Variants in LYPLAL1 observed in about 807,000 individuals in gnomAD.
The protein encoded by LYPLAL1 is lysophospholipase like 1.
In LYPLAL1, 23 loss-of-function variants were observed where a neutral mutation model predicts 19.7. The observed-to-expected ratio is 1.17, with a 90% CI of 0.84 to 1.65. LYPLAL1 has a LOEUF of 1.65. Among genes scored for constraint, LYPLAL1 ranks in the 40% most tolerant of loss-of-function variants. The probability of loss-of-function intolerance (pLI) is 0.00; values close to 1 mark genes in which losing one functional copy is unlikely to be tolerated. For missense variants in LYPLAL1, 355 were observed against 279.4 expected (o/e 1.27, Z -1.93); for synonymous variants, 119 against 96.3 (o/e 1.24, Z -1.38).
chr1:219,278,166 T>C, the LYPLAL1 span, among the ~76,000 whole-genome samples: 5 of 152,196 alleles, frequency 3.3e-5, no homozygotes, highest in African/African-American at 1.2e-4. Flanking sequence ...CCAAGGATCT[T>C]AACAAAAGCA....
chr1:219,394,572 C>T, the LYPLAL1 span, among the ~76,000 whole-genome samples: 6 of 152,314 alleles, frequency 3.9e-5, no homozygotes, highest in African/African-American at 7.2e-5. Flanking sequence ...ATACATGTGA[C>T]ATCATACAAT....
the LYPLAL1 span, among the ~76,000 whole-genome samples, chr1:219,360,989 C>G: frequency 1.3e-5 from 2 of 152,164 alleles, no homozygotes; most frequent in Non-Finnish European, 2.9e-5. Flanking sequence ...GTTATGAAGA[C>G]TCTTTAACAC....
intron 2 of LYPLAL1, among the ~76,000 whole-genome samples, chr1:219,182,108 A>G (rs943343446): frequency 4.6e-5 from 7 of 152,178 alleles, no homozygotes; most frequent in Non-Finnish European, 7.3e-5. Context: ...GGTTGCAATT[A>G]CTTGTCCTAA....
At chr1:219,437,924 G>A in the LYPLAL1 span, among the ~76,000 whole-genome samples, 7 of 151,628 alleles carry the variant, frequency 4.6e-5, no homozygotes, top group Non-Finnish European at 8.8e-5. Flanking sequence ...CCACCACCAC[G>A]CCTGGCTAAT....
chr1:219,246,786 A>G, the LYPLAL1 span, among the ~76,000 whole-genome samples: 12 of 152,266 alleles, frequency 7.9e-5, no homozygotes, highest in South Asian at 1.2e-3. Context: ...GAGTTTCACC[A>G]TATTGCCCAG....
chr1:219,404,547 GTT>G, the LYPLAL1 span, among the ~76,000 whole-genome samples: 2 of 152,102 alleles, frequency 1.3e-5, no homozygotes, highest in African/African-American at 4.8e-5. Flanking sequence ...CTCCTCTGCA[GTT>G]TTGCAATGTG....
the LYPLAL1 span, among the ~76,000 whole-genome samples, chr1:219,262,949 T>G: frequency 6.6e-6 from 1 of 152,244 alleles, no homozygotes; most frequent in African/African-American, 2.4e-5. Flanking sequence ...CTGTAATGGT[T>G]TGAGTTGGTT....
chr1:219,263,641 C>G, the LYPLAL1 span, among the ~76,000 whole-genome samples: 12 of 152,118 alleles, frequency 7.9e-5, no homozygotes, highest in Admixed American at 1.3e-4. Flanking sequence ...TCCAAGGACC[C>G]CTGTGAGATA....
the LYPLAL1 span, among the ~76,000 whole-genome samples, chr1:219,392,237 T>C: frequency 1.3e-5 from 2 of 152,188 alleles, no homozygotes; most frequent in Non-Finnish European, 2.9e-5. Context: ...AGTCACTTTA[T>C]ACTGTGAGCC....
At chr1:219,335,724 T>C in the LYPLAL1 span, among the ~76,000 whole-genome samples, 1 of 151,920 alleles carries the variant, frequency 6.6e-6, no homozygotes, top group African/African-American at 2.4e-5. Context: ...TCTTCATCAC[T>C]AAATATCCAC....
the LYPLAL1 span, among the ~76,000 whole-genome samples, chr1:219,292,355 C>G: frequency 6.6e-6 from 1 of 152,210 alleles, no homozygotes; most frequent in Non-Finnish European, 1.5e-5. Flanking sequence ...CCTAGATTCT[C>G]AGTAATATTA....
At chr1:219,435,420 G>T in the LYPLAL1 span, 1 of 152,184 alleles carries the variant, frequency 6.6e-6, no homozygotes, top group Non-Finnish European at 1.5e-5. Flanking sequence ...GCACCTGTTA[G>T]ATAAAATTCA....
the LYPLAL1 span, among the ~76,000 whole-genome samples, chr1:219,237,597 A>G: frequency 2.0e-5 from 3 of 151,924 alleles, no homozygotes; most frequent in African/African-American, 7.3e-5. Flanking sequence ...TTGATAAAGA[A>G]CTTTCTACTT....
chr1:219,364,407 T>C, the LYPLAL1 span, among the ~76,000 whole-genome samples: 1 of 152,148 alleles, frequency 6.6e-6, no homozygotes, highest in African/African-American at 2.4e-5. Context: ...CTTTGCGTTC[T>C]AGCCTTTGAT....
At chr1:219,243,870 G>C in the LYPLAL1 span, among the ~76,000 whole-genome samples, 1 of 147,370 alleles carries the variant, frequency 6.8e-6, no homozygotes, top group African/African-American at 2.5e-5. Flanking sequence ...AGAGAGCCTA[G>C]ATCGCACCAC....
chr1:219,391,298 C>T, the LYPLAL1 span, among the ~76,000 whole-genome samples: 7 of 152,168 alleles, frequency 4.6e-5, no homozygotes, highest in Non-Finnish European at 1.0e-4. Flanking sequence ...GCTCAGCTTG[C>T]CACCTGTCAC....
At chr1:219,443,729 A>C in the LYPLAL1 span, among the ~76,000 whole-genome samples, 3 of 152,164 alleles carry the variant, frequency 2.0e-5, no homozygotes, top group Non-Finnish European at 4.4e-5. Context: ...TCTAATATTG[A>C]AATAAACATC....
the LYPLAL1 span, among the ~76,000 whole-genome samples, chr1:219,298,683 C>G: frequency 6.6e-6 from 1 of 152,194 alleles, no homozygotes; most frequent in African/African-American, 2.4e-5. Flanking sequence ...CAAAACATTT[C>G]AAAAGAGAGG....
the LYPLAL1 span, among the ~76,000 whole-genome samples, chr1:219,377,039 G>T: frequency 6.6e-6 from 1 of 152,116 alleles, no homozygotes; most frequent in Non-Finnish European, 1.5e-5. Context: ...ACCCATGTTC[G>T]TAGAAGCATT....
Sources: gnomAD v4.1 joint callset for allele counts (sites outside exome capture counted in the v4.1 genomes callset) on GRCh38, gnomAD v4.1.1 for gene constraint, MANE v1.5 for transcripts, NCBI Gene and HGNC (gene_info 2026-07-23, HGNC 2026-07-21) for gene names.